The following ST8SIA6 variants were observed in gnomAD, a reference collection of about 807,000 sequenced individuals.
ST8SIA6 encodes ST8 alpha-N-acetyl-neuraminide alpha-2,8-sialyltransferase 6, also known as alpha-2,8-sialyltransferase 8F.
Under a neutral mutation model 33.6 loss-of-function variants are expected in ST8SIA6, and 39 were observed. That is an observed-to-expected ratio of 1.16 (90% CI 0.90 to 1.52). The LOEUF (loss-of-function observed/expected upper bound fraction) is 1.52. Among genes scored for constraint, ST8SIA6 ranks in the 40% most tolerant of loss-of-function variants. The probability of loss-of-function intolerance (pLI) is 0.00; values close to 1 mark genes in which losing one functional copy is unlikely to be tolerated. For synonymous variants in ST8SIA6, 172 were observed against 167.2 expected, an observed-to-expected ratio of 1.03 and a Z score of -0.22; for missense variants, 441 against 443.8, an observed-to-expected ratio of 0.99 and a Z score of 0.06.
intron 4 of ST8SIA6, among the ~76,000 whole-genome samples, chr10:17,354,843 G>A (rs41309393): frequency 0.2 from 29,958 of 152,042 alleles, 3,047 homozygotes; most frequent in African/African-American, 0.23. Context: ...TCCCAGAAAC[G>A]TGTACAAAAT....
rs575838873 is a variant in ST8SIA6, at chr10:17,330,317, G to C, written c.522+1091C>G. 1.1e-3 allele frequency among the ~76,000 whole-genome samples: 173 copies of C among 152,282 alleles called. 1 individual carries two copies. Among genetic ancestry groups the C allele is most frequent in the Non-Finnish European group, 1.9e-3 (127 of 68,026 alleles). On this transcript the variant is annotated intron_variant, in intron 5 of 7. Transcript: ENST00000377602. ...AGACACTGGCAAAACCTGCATGGATGAATGAGTGAAAGGGCTCACTGTCAA... is the reference window on the plus strand; with the variant it reads ...AGACACTGGCAAAACCTGCATGGATCAATGAGTGAAAGGGCTCACTGTCAA...
intron 2 of ST8SIA6, among the ~76,000 whole-genome samples, chr10:17,401,884 T>C (rs1352404335): frequency 0.023 from 3,442 of 150,586 alleles, 49 homozygotes; most frequent in South Asian, 0.044. Context: ...AGGGACTTCA[T>C]GTCTAAAACA....
Position 17,321,078 on chromosome 10 carries a change from C to T in ST8SIA6, c.997G>A (p.Glu333Lys), listed in dbSNP as rs775504046. The T allele has an allele frequency of 7.4e-6, 12 of 1,614,106 alleles. No individual in the cohort carries two copies. Among genetic ancestry groups the T allele is most frequent in the Non-Finnish European group, 1.0e-5 (12 of 1,180,002 alleles). Reference sequence around the variant, plus strand: ...TACAGCTTCACATTTTTACACAGTTCCACTGCAACACTTGTGATCATCAAG... The same window carrying T: ...TACAGCTTCACATTTTTACACAGTTTCACTGCAACACTTGTGATCATCAAG... ...TGLMITSVAV[E>K]LCKNVKLYGF... The change falls in exon 8 of 8, where the codon GAA (glutamate) becomes AAA (lysine). Residue 333 changes from glutamate to lysine, a missense_variant. By Grantham distance (56) the Glu-to-Lys change is moderately conservative. Transcript: ENST00000377602.
chr10:17,398,483 T>C (rs919373599), intron 2 of ST8SIA6, among the ~76,000 whole-genome samples: 2 of 152,164 alleles, frequency 1.3e-5, no homozygotes, highest in Non-Finnish European at 2.9e-5. Flanking sequence ...TGTATATGAC[T>C]CGTAATTAAT....
chr10:17,379,327 A>G (rs1356359639), intron 3 of ST8SIA6, among the ~76,000 whole-genome samples: 1 of 149,912 alleles, frequency 6.7e-6, no homozygotes, highest in East Asian at 1.9e-4. Flanking sequence ...AAGAATGAGA[A>G]AAGGAGAGGG....
intron 4 of ST8SIA6, among the ~76,000 whole-genome samples, chr10:17,352,781 G>A (rs1849076308): frequency 6.6e-6 from 1 of 152,026 alleles, no homozygotes; most frequent in East Asian, 1.9e-4. Context: ...GTAATGACAT[G>A]GTGTGGTTTC....
At chr10:17,331,927 G>C (rs1032088258) in intron 4 of ST8SIA6, among the ~76,000 whole-genome samples, 7 of 152,068 alleles carry the variant, frequency 4.6e-5, no homozygotes, top group African/African-American at 1.7e-4. Flanking sequence ...TTAGGTATTT[G>C]TCCCAATGCT....
intron 3 of ST8SIA6, among the ~76,000 whole-genome samples, chr10:17,388,748 G>A (rs979950866): frequency 2.0e-5 from 3 of 152,158 alleles, no homozygotes; most frequent in African/African-American, 7.2e-5. Flanking sequence ...CCTGGGTGTA[G>A]GCCGAGCTAA....
chr10:17,335,331 A>G (rs1242744520), intron 4 of ST8SIA6, among the ~76,000 whole-genome samples: 2 of 152,224 alleles, frequency 1.3e-5, no homozygotes, highest in East Asian at 1.9e-4. Flanking sequence ...CCACACTTCT[A>G]TTATTGGTTT....
chr10:17,407,753 T>G (rs1319996486), intron 2 of ST8SIA6, among the ~76,000 whole-genome samples: 1 of 152,214 alleles, frequency 6.6e-6, no homozygotes, highest in East Asian at 1.9e-4. Context: ...GGTCTCACTT[T>G]GAGTAACAAG....
rs187335491 is a variant in ST8SIA6, at chr10:17,337,527, C to T, written c.378-5975G>A. On this transcript the variant is annotated intron_variant, in intron 4 of 7. Coordinates refer to ENST00000377602, the MANE Select transcript of ST8SIA6 (RefSeq NM_001004470.3). The stretch of plus-strand genomic sequence containing the variant: ...ATCAGAATTATAATCTAAGATGTCA[C>T]AGGCTAAGGGGACTTTTCCAGCTTT... Among the ~76,000 whole-genome samples the T allele has an allele frequency of 2.0e-5, 3 of 152,278 alleles. No homozygotes were observed. The East Asian group carries it at 5.8e-4, about 29-fold the overall frequency.
At chr10:17,453,747 G>C in intron 1 of ST8SIA6, 90 bp from the exon 2 acceptor site, 1 of 1,049,744 alleles carries the variant, frequency 9.5e-7, no homozygotes, top group East Asian at 3.2e-5. Context: ...GCCTGGCAGG[G>C]AGATCTCGCA....
intron 2 of ST8SIA6, among the ~76,000 whole-genome samples, chr10:17,425,677 AAG>A (rs777364023): frequency 1.9e-4 from 28 of 150,274 alleles, no homozygotes; most frequent in African/African-American, 4.7e-4. Flanking sequence ...AAGAAAGAAA[AAG>A]AAGGAAGGAA....
At chr10:17,426,094 A>G (rs1851930617) in intron 2 of ST8SIA6, among the ~76,000 whole-genome samples, 1 of 152,140 alleles carries the variant, frequency 6.6e-6, no homozygotes, top group Non-Finnish European at 1.5e-5. Flanking sequence ...CACAGGCACT[A>G]GAGGAAGCTC....
intron 2 of ST8SIA6, among the ~76,000 whole-genome samples, chr10:17,429,892 T>C: frequency 6.6e-6 from 1 of 152,226 alleles, no homozygotes; most frequent in South Asian, 2.1e-4. Flanking sequence ...ATTTATATTC[T>C]TTGTTAAAAT....
Position 17,349,931 on chromosome 10 carries a change from AATAAACAC to A in ST8SIA6, c.377+9575_377+9582del, listed in dbSNP as rs1350707006. Reference sequence around the variant, plus strand: ...TCAGATTAACCAGGTCTGTAAATTAAATAAACACACACACACACACACATACACACACA... The same window carrying A: ...TCAGATTAACCAGGTCTGTAAATTAAACACACACACACACATACACACACA... On this transcript the variant is annotated intron_variant, in intron 4 of 7. Coordinates refer to ENST00000377602, the MANE Select transcript of ST8SIA6 (RefSeq NM_001004470.3). Among the ~76,000 whole-genome samples, 6 of 131,508 alleles carry A rather than the reference AATAAACAC, an allele frequency of 4.6e-5. No individual in the cohort carries two copies. In the East Asian group the frequency reaches 1.4e-3, roughly 31 times the overall value. The allele number at this position is 131,508 out of a possible 152,430, so 86.3% of individuals were successfully genotyped here.
At chr10:17,336,781 A>G (rs1848512520) in intron 4 of ST8SIA6, among the ~76,000 whole-genome samples, 1 of 151,732 alleles carries the variant, frequency 6.6e-6, no homozygotes, top group Admixed American at 6.6e-5. Flanking sequence ...TTTAGTAGAG[A>G]CGGGGTTTCA....
intron 5 of ST8SIA6, among the ~76,000 whole-genome samples, chr10:17,329,718 G>T (rs1848237667): frequency 6.6e-6 from 1 of 152,070 alleles, no homozygotes; most frequent in Non-Finnish European, 1.5e-5. Context: ...TGGTCAACTG[G>T]GAGGAAAACA....
At chr10:17,322,952 AT>A in intron 7 of ST8SIA6, 112 bp downstream of exon 7, 1 of 927,148 alleles carries the variant, frequency 1.1e-6, no homozygotes. Context: ...CCAAAAACTC[AT>A]TCCACCTGTA....
Sources: allele counts gnomAD v4.1 joint callset (sites outside exome capture counted in the v4.1 genomes callset), GRCh38; gene constraint gnomAD v4.1.1; transcripts MANE v1.5; gene names NCBI Gene and HGNC (gene_info 2026-07-23, HGNC 2026-07-21).